SERPINB10: variants seen among roughly 807,000 people sequenced by gnomAD.
SERPINB10 encodes serpin B10.
In SERPINB10, 35 loss-of-function variants were observed where a neutral mutation model predicts 39.1. The observed-to-expected ratio is 0.90, with a 90% CI of 0.68 to 1.19. The LOEUF is 1.19. Ranked by LOEUF, SERPINB10 falls within the 50% of genes most tolerant of loss-of-function variation. SERPINB10 has a pLI of 0.00. For missense variants in SERPINB10, 546 were observed against 460.5 expected (o/e 1.19, Z -1.70); for synonymous variants, 190 against 158.1 (o/e 1.20, Z -1.52).
At chr18:63,914,968 T>G (rs1444698188) in intron 1 of SERPINB10, among the ~76,000 whole-genome samples, 2 of 152,076 alleles carry the variant, frequency 1.3e-5, no homozygotes, top group Non-Finnish European at 2.9e-5. Context: ...ACAAGCATTT[T>G]CCAATTAGTT....
chr18:63,915,696 A>G lies in SERPINB10; in HGVS notation c.168+18A>G, dbSNP rs760331242. On this transcript the variant is annotated intron_variant, in intron 2 of 7. Transcript: ENST00000238508. ...TGGCCCAGGTGAGTGGAAAAGGTCA[A>G]CTATCTTCTGTTTCTTGTAAGCTAA... 1.2e-5 allele frequency: 19 copies of G among 1,582,482 alleles called. No homozygotes were observed. Among genetic ancestry groups the G allele is most frequent in the Middle Eastern group, 1.7e-4 (1 of 5,924 alleles).
intron 5 of SERPINB10, among the ~76,000 whole-genome samples, chr18:63,923,022 A>G (rs1174071455): frequency 6.6e-6 from 1 of 151,994 alleles, no homozygotes. Flanking sequence ...TTATAGTACT[A>G]TATGGCCACA....
intron 5 of SERPINB10, among the ~76,000 whole-genome samples, chr18:63,927,282 A>G (rs1381979771): frequency 1.3e-5 from 2 of 152,074 alleles, no homozygotes; most frequent in African/African-American, 2.4e-5. Flanking sequence ...AAAATTAGAA[A>G]TGAAGGTTGA....
At chr18:63,924,150 T>C (rs2050164614) in intron 5 of SERPINB10, among the ~76,000 whole-genome samples, 1 of 152,014 alleles carries the variant, frequency 6.6e-6, no homozygotes, top group Non-Finnish European at 1.5e-5. Context: ...TGGTTTTCTG[T>C]GTGTCTTTTT....
At chr18:63,926,600 A>G (rs8090673) in intron 5 of SERPINB10, among the ~76,000 whole-genome samples, 62,580 of 151,834 alleles carry the variant, frequency 0.41, 15,765 homozygotes, top group African/African-American at 0.71. Context: ...ATTCAGGAGA[A>G]TTCTACAAAA....
At position 63,935,501 on chromosome 18, in the gene SERPINB10, T is replaced by C; in HGVS notation, c.*259T>C. On this transcript the variant is annotated 3_prime_UTR_variant, in exon 8 of 8. Transcript: ENST00000238508. ...CATTTACATTTCAGAAGTACTATGC[T>C]ATTCAACTGAATGCCTTACAATTCT... is the stretch of plus-strand genomic sequence containing the variant. 2.7e-6 allele frequency: 1 copy of C among 368,460 alleles called. No individual in the cohort carries two copies. The highest frequency in any genetic ancestry group is 7.8e-5 in the South Asian group (1 of 12,804). 22.8% of individuals were successfully genotyped at this position (368,460 alleles called of 1,614,324 possible).
rs185315171 is a variant in SERPINB10 at position 63,910,722 on chromosome 18, C to G, written c.-10+2682C>G. ...CACTGATAGGCACCTAGGTTGATTT[C>G]ATGTCTTTGCTATTGTGAATAGTGC... On this transcript the variant is annotated intron_variant, in intron 1 of 7. Coordinates refer to ENST00000238508, the MANE Select transcript of SERPINB10 (RefSeq NM_005024.3). Among the ~76,000 whole-genome samples, 944 of 151,888 alleles carry G rather than the reference C, an allele frequency of 6.2e-3. 34 individuals are homozygous for G. Among genetic ancestry groups the G allele is most frequent in the Admixed American group, 0.057 (863 of 15,216 alleles).
Position 63,917,519 on chromosome 18 carries a change from AT to A in SERPINB10, c.233del (p.Met78ArgfsTer5), listed in dbSNP as rs768200245. ...CDPESEKKRK[M>X]EFNLSNSEEI... The stretch of plus-strand genomic sequence containing the variant: ...CCCTGAAAGTGAAAAAAAAAGGAAA[AT>A]GGTATATCTTATCCTTTAATATATA... On this transcript the variant is annotated frameshift_variant and splice_region_variant, in exon 3 of 8. Transcript: ENST00000238508. LOFTEE classifies it high-confidence loss of function. 12 of 1,545,264 alleles carry A rather than the reference AT, an allele frequency of 7.8e-6. No individual in the cohort carries two copies. Among genetic ancestry groups the A allele is most frequent in the Non-Finnish European group, 9.7e-6 (11 of 1,133,802 alleles).
chr18:63,917,472 G>C lies in SERPINB10; in HGVS notation c.185G>C (p.Arg62Thr). Residue 62 changes from arginine (R) to threonine (T), a missense_variant, in exon 3 of 8, where the codon AGA becomes ACA. Arg to Thr is a moderately conservative substitution (Grantham distance 71, BLOSUM62 -1). Coordinates refer to ENST00000238508, the MANE Select transcript of SERPINB10 (RefSeq NM_005024.3). ...AQMAQVLQFNRDQGVKCDPES... is the reference protein window; with the variant it reads ...AQMAQVLQFNTDQGVKCDPES... ...AAATTACAGGTGCTTCAATTTAACA[G>C]AGACCAGGGAGTCAAATGTGACCCT... The C allele has an allele frequency of 6.3e-7, 1 of 1,577,884 alleles. No individual in the cohort carries two copies. Among genetic ancestry groups the C allele is most frequent in the Middle Eastern group, 1.7e-4 (1 of 5,842 alleles).
intron 5 of SERPINB10, among the ~76,000 whole-genome samples, chr18:63,924,728 T>C (rs546484627): frequency 3.4e-4 from 52 of 152,088 alleles, no homozygotes; most frequent in African/African-American, 1.2e-3. Context: ...AGAAGTCATC[T>C]GTGATGCCTT....
chr18:63,919,705 A>T, intron 4 of SERPINB10, 83 bp from the exon 5 acceptor site: 1 of 897,274 alleles, frequency 1.1e-6, no homozygotes, highest in Non-Finnish European at 1.7e-6. Flanking sequence ...CCGCCTACCT[A>T]GTTCTTTTGA....
At chr18:63,919,948 C>A in intron 5 of SERPINB10, 43 bp downstream of exon 5, 3 of 1,192,668 alleles carry the variant, frequency 2.5e-6, no homozygotes, top group Non-Finnish European at 3.7e-6. Flanking sequence ...TTTTCCCAAA[C>A]ATCCTTGTAT....
At chr18:63,908,797 T>C (rs1011875798) in intron 1 of SERPINB10, among the ~76,000 whole-genome samples, 8 of 152,028 alleles carry the variant, frequency 5.3e-5, no homozygotes, top group Non-Finnish European at 1.5e-5. Flanking sequence ...AAGAGGCCCT[T>C]GGGAGTGTCT....
Position 63,934,889 on chromosome 18 carries a change from A to G in SERPINB10, c.841A>G (p.Met281Val), listed in dbSNP as rs1340387629. The G allele has an allele frequency of 6.2e-7, 1 of 1,614,144 alleles. No homozygotes were observed. Among genetic ancestry groups the G allele is most frequent in the Non-Finnish European group, 8.5e-7 (1 of 1,179,990 alleles). The part of the protein sequence containing the change: ...EKLNEWTSAD[M>V]MELYEVQLHL... ...GCTGAATGAGTGGACCAGTGCAGAC[A>G]TGATGGAGTTGTATGAAGTGCAGCT... Residue 281 changes from methionine to valine, a missense_variant, in exon 8 of 8, where the codon ATG (methionine) becomes GTG (valine). Physicochemically the swap from Met to Val is conservative, Grantham distance 21 (BLOSUM62 1). Transcript: ENST00000238508.
rs747433281 is a variant in SERPINB10, at chr18:63,918,018, C to A, written c.288C>A (p.Ile96=). 5.6e-6 allele frequency: 9 copies of A among 1,611,830 alleles called. No individual in the cohort carries two copies. The highest frequency in any genetic ancestry group is 7.6e-6 in the Non-Finnish European group (9 of 1,178,598). The change falls in exon 4 of 8, where the codon ATC becomes ATA. Residue 96 remains isoleucine, a synonymous_variant. Coordinates refer to ENST00000238508, the MANE Select transcript of SERPINB10 (RefSeq NM_005024.3). ...TACACTCTGATTTCCAAACACTTAT[C>A]TCAGAAATCCTCAAGCCCAACGATG... ...EEIHSDFQTL[I]SEILKPNDDY...
At chr18:63,918,462 G>A (rs963698704) in intron 4 of SERPINB10, among the ~76,000 whole-genome samples, 12 of 151,968 alleles carry the variant, frequency 7.9e-5, no homozygotes, top group African/African-American at 2.9e-4. Flanking sequence ...TTGGGAACAT[G>A]AAACATGAAA....
At chr18:63,919,190 C>T (rs1162361870) in intron 4 of SERPINB10, among the ~76,000 whole-genome samples, 1 of 151,550 alleles carries the variant, frequency 6.6e-6, no homozygotes, top group Non-Finnish European at 1.5e-5. Flanking sequence ...CATGTGATGA[C>T]TGCCACTGGG....
At chr18:63,931,644 A>G (rs1372688437) in intron 6 of SERPINB10, among the ~76,000 whole-genome samples, 2 of 152,174 alleles carry the variant, frequency 1.3e-5, no homozygotes, top group African/African-American at 4.8e-5. Flanking sequence ...AAAATTGTGC[A>G]CGAAGTATAG....
intron 1 of SERPINB10, among the ~76,000 whole-genome samples, chr18:63,912,177 T>C (rs1422611823): frequency 2.0e-5 from 3 of 152,070 alleles, no homozygotes; most frequent in Non-Finnish European, 4.4e-5. Context: ...TCCAGGAGGC[T>C]TTTGGTGGAG....
Sources: gnomAD v4.1 joint callset for allele counts (sites outside exome capture counted in the v4.1 genomes callset) on GRCh38, gnomAD v4.1.1 for gene constraint, MANE v1.5 for transcripts, NCBI Gene and HGNC (gene_info 2026-07-23, HGNC 2026-07-21) for gene names.